Variants in SEMA4F observed in about 807,000 individuals in gnomAD.
The protein encoded by SEMA4F is semaphorin-4F.
A neutral mutation model predicts 78.4 loss-of-function variants in SEMA4F; 51 were observed. The ratio of observed to expected loss-of-function variants is 0.65; its 90% confidence interval spans 0.52 to 0.82. The LOEUF is 0.82. Ranked by LOEUF, SEMA4F falls within the 40% of genes least tolerant of loss-of-function variation. The pLI is 0.00. For synonymous variants in SEMA4F, 418 were observed against 408.7 expected (o/e 1.02, Z -0.27); for missense variants, 938 against 1,014.4 (o/e 0.92, Z 1.02).
At chr2:74,693,664 C>T in the SEMA4F span, among the ~76,000 whole-genome samples, 37 of 152,262 alleles carry the variant, frequency 2.4e-4, no homozygotes, top group African/African-American at 4.3e-4. Context: ...TTTTGCAGAT[C>T]GGGAAGGTGA....
At chr2:74,689,238 A>AT in the SEMA4F span, among the ~76,000 whole-genome samples, 1 of 152,202 alleles carries the variant, frequency 6.6e-6, no homozygotes, top group African/African-American at 2.4e-5. Context: ...AGACATATAC[A>AT]TGCCTCATTT....
At chr2:74,685,658 A>G (rs1347314987), downstream of SEMA4F, among the ~76,000 whole-genome samples, 1 of 152,122 alleles carries the variant, frequency 6.6e-6, no homozygotes, top group African/African-American at 2.4e-5. Context: ...CCCAGGGAGG[A>G]CAGGATTAAA....
downstream of SEMA4F, among the ~76,000 whole-genome samples, chr2:74,688,384 A>G (rs770115336): frequency 9.9e-5 from 15 of 152,252 alleles, no homozygotes; most frequent in Non-Finnish European, 1.9e-4. Context: ...AAAACACCAC[A>G]TTAAAATAAA....
the SEMA4F span, among the ~76,000 whole-genome samples, chr2:74,706,469 G>C: frequency 6.6e-6 from 1 of 152,154 alleles, no homozygotes; most frequent in Admixed American, 6.5e-5. Context: ...TGCATAGAGG[G>C]GAGATCTGGC....
At chr2:74,704,652 G>A in the SEMA4F span, among the ~76,000 whole-genome samples, 12 of 152,020 alleles carry the variant, frequency 7.9e-5, no homozygotes, top group African/African-American at 2.7e-4. Flanking sequence ...ATAACGAGCC[G>A]ACACAAGAGT....
At chr2:74,692,836 A>G in the SEMA4F span, among the ~76,000 whole-genome samples, 4 of 152,262 alleles carry the variant, frequency 2.6e-5, no homozygotes, top group Non-Finnish European at 4.4e-5. Context: ...AACACTAGCC[A>G]CTTTAAGAGA....
Position 74,680,343 on chromosome 2 carries a change from T to C in SEMA4F, c.*134T>C, listed in dbSNP as rs1685549500. The stretch of plus-strand genomic sequence containing the variant: ...TGAGTATGAGTGATTACTTGGATTT[T>C]AGTATCTGTTCTCTCTGAGCCTGGA... On this transcript the variant is annotated 3_prime_UTR_variant, in exon 14 of 14. Coordinates refer to ENST00000357877, the MANE Select transcript of SEMA4F (RefSeq NM_004263.5). 1 of 1,033,650 alleles carries C rather than the reference T, an allele frequency of 9.7e-7. No individual in the cohort carries two copies. Among genetic ancestry groups the C allele is most frequent in the African/African-American group, 1.6e-5 (1 of 62,630 alleles). 64.0% of individuals were successfully genotyped at this position (1,033,650 alleles called of 1,614,324 possible). A position where few individuals can be genotyped will look rare whatever the true frequency, so the allele number is the denominator to read the frequency against.
In SEMA4F at chr2:74,657,968, G is replaced by A; in HGVS notation, c.456+17G>A. 1.2e-6 allele frequency: 2 copies of A among 1,609,298 alleles called. No individual in the cohort carries two copies. The highest frequency in any genetic ancestry group is 1.7e-6 in the Non-Finnish European group (2 of 1,175,738). The stretch of plus-strand genomic sequence containing the variant: ...GGGGTTATTGTGAGTGACGGTGTGG[G>A]AGGAGAGGGAGAGGGTGCCTGCACC... On this transcript the variant is annotated intron_variant, in intron 4 of 13. Transcript: ENST00000357877.
intron 4 of SEMA4F, 70 bp from the exon 5 acceptor site, chr2:74,662,662 C>A (rs1684485589): frequency 8.0e-7 from 1 of 1,255,102 alleles, no homozygotes. Context: ...CTTCATCTGA[C>A]CATCTTTGTA....
At chr2:74,699,662 G>C in the SEMA4F span, among the ~76,000 whole-genome samples, 5 of 152,198 alleles carry the variant, frequency 3.3e-5, no homozygotes, top group African/African-American at 1.2e-4. Flanking sequence ...GATTGTTCAA[G>C]GGTAGGTGGA....
the SEMA4F span, among the ~76,000 whole-genome samples, chr2:74,689,070 T>C: frequency 6.6e-6 from 1 of 152,002 alleles, no homozygotes; most frequent in Non-Finnish European, 1.5e-5. Flanking sequence ...TTAAGGTGTG[T>C]TCCAAATCTG....
At chr2:74,690,812 G>T in the SEMA4F span, among the ~76,000 whole-genome samples, 1 of 152,192 alleles carries the variant, frequency 6.6e-6, no homozygotes, top group Non-Finnish European at 1.5e-5. Context: ...GCTGGTGGAA[G>T]TCCCTTCTGA....
the SEMA4F span, among the ~76,000 whole-genome samples, chr2:74,701,098 C>A: frequency 6.6e-6 from 1 of 151,370 alleles, no homozygotes; most frequent in Non-Finnish European, 1.5e-5. Context: ...TAGCACCCAG[C>A]TGCCTTGCTT....
intron 5 of SEMA4F, among the ~76,000 whole-genome samples, chr2:74,666,336 C>T (rs946863149): frequency 9.2e-5 from 14 of 151,626 alleles, no homozygotes; most frequent in African/African-American, 1.9e-4. Flanking sequence ...GCTGCTGAAG[C>T]GAGCACAAGA....
rs765852749 is a variant in SEMA4F at position 74,680,042 on chromosome 2, C to T, written c.2146C>T (p.Pro716Ser). ...TGGGACCACAAGCTACAGCCAAGAC[C>T]CTCCCTCCCCCTCTCCTGAAGATGA... is the stretch of plus-strand genomic sequence containing the variant. ...PSGTTSYSQD[P>S]PSPSPEDERL... Residue 716 changes from proline (P) to serine (S), a missense_variant, in exon 14 of 14, where the codon CCT becomes TCT. Physicochemically the swap from Pro to Ser is moderately conservative, Grantham distance 74. Transcript: ENST00000357877. 1.3e-5 allele frequency: 21 copies of T among 1,613,976 alleles called. No homozygotes were observed. The highest frequency in any genetic ancestry group is 1.2e-4 in the Admixed American group (7 of 60,014).
chr2:74,693,707 A>G, the SEMA4F span, among the ~76,000 whole-genome samples: 1 of 152,196 alleles, frequency 6.6e-6, no homozygotes, highest in African/African-American at 2.4e-5. Context: ...CAGAAAAGGT[A>G]GCATGCTTTA....
chr2:74,676,852 C>T (rs1226082670), intron 12 of SEMA4F, among the ~76,000 whole-genome samples: 1 of 152,124 alleles, frequency 6.6e-6, no homozygotes, highest in African/African-American at 2.4e-5. Context: ...ATATCATATT[C>T]ATCTTAAATA....
In SEMA4F at chr2:74,654,476, G is replaced by T; in HGVS notation, c.100G>T (p.Gly34Cys). 1 of 1,572,864 alleles carries T rather than the reference G, an allele frequency of 6.4e-7. No individual in the cohort carries two copies. Residue 34 changes from glycine to cysteine, a missense_variant, in exon 1 of 14, where the codon GGC becomes TGC. Coordinates refer to ENST00000357877, the MANE Select transcript of SEMA4F (RefSeq NM_004263.5). ...GGCGGTGCTGAGCGGCCCGGTATCC[G>T]GCCGCGTCCCCCGCTCGGTGCCCAG... ...LLAVLSGPVS[G>C]RVPRSVPRTS...
intron 5 of SEMA4F, among the ~76,000 whole-genome samples, chr2:74,669,850 A>G (rs1684891155): frequency 6.6e-6 from 1 of 151,912 alleles, no homozygotes; most frequent in Non-Finnish European, 1.5e-5. Flanking sequence ...GTGGCTTTCA[A>G]TGTCTTTTTT....
Sources: gnomAD v4.1 joint callset for allele counts (sites outside exome capture counted in the v4.1 genomes callset) on GRCh38, gnomAD v4.1.1 for gene constraint, MANE v1.5 for transcripts, NCBI Gene and HGNC (gene_info 2026-07-23, HGNC 2026-07-21) for gene names.